Variants in BTBD9 observed in about 807,000 individuals in gnomAD.
The protein encoded by BTBD9 is BTB domain containing 9, also known as BTB/POZ domain-containing protein 9.
In BTBD9, 49 loss-of-function variants were observed where a neutral mutation model predicts 64.3. The ratio of observed to expected loss-of-function variants is 0.76; its 90% CI spans 0.61 to 0.97. BTBD9 has a LOEUF of 0.97. BTBD9 is among the 50% of genes least tolerant of loss of function. The pLI, the probability that BTBD9 is intolerant of heterozygous loss-of-function variation, is 0.00. For synonymous variants in BTBD9, 260 were observed against 274.7 expected (o/e 0.95, Z 0.53); for missense variants, 598 against 762.1 (o/e 0.78, Z 2.53).
intron 9 of BTBD9, among the ~76,000 whole-genome samples, chr6:38,228,369 A>G (rs62397010): frequency 4.8e-5 from 7 of 147,276 alleles, no homozygotes; most frequent in Middle Eastern, 3.6e-3. Context: ...AAAAAAAAAA[A>G]AGAGAGAGAG....
intron 6 of BTBD9, among the ~76,000 whole-genome samples, chr6:38,430,935 G>T (rs550306691): frequency 6.6e-6 from 1 of 152,082 alleles, no homozygotes; most frequent in South Asian, 2.1e-4. Flanking sequence ...TGATGTGGTT[G>T]ACTTCTGTCT....
chr6:38,520,435 T>C (rs1189102927), intron 6 of BTBD9, among the ~76,000 whole-genome samples: 3 of 152,178 alleles, frequency 2.0e-5, no homozygotes, highest in African/African-American at 7.2e-5. Context: ...CACTCCATCC[T>C]GGGAGACAGA....
At chr6:38,564,922 A>G (rs1214752806) in intron 6 of BTBD9, among the ~76,000 whole-genome samples, 1 of 152,056 alleles carries the variant, frequency 6.6e-6, no homozygotes. Context: ...AATAAAAAAG[A>G]TCTCACTATA....
intron 9 of BTBD9, among the ~76,000 whole-genome samples, chr6:38,252,966 T>A (rs1008151608): frequency 1.3e-5 from 2 of 151,898 alleles, no homozygotes; most frequent in Admixed American, 6.6e-5. Flanking sequence ...ATACAAAAAT[T>A]AGCTTGGCGC....
chr6:38,586,716 T>C (rs1776547186), intron 4 of BTBD9, among the ~76,000 whole-genome samples: 1 of 152,178 alleles, frequency 6.6e-6, no homozygotes, highest in African/African-American at 2.4e-5. Context: ...ATCCTTTTTT[T>C]CCCCTAACAG....
At chr6:38,398,372 A>ATC (rs1374352925) in intron 6 of BTBD9, among the ~76,000 whole-genome samples, 3 of 152,290 alleles carry the variant, frequency 2.0e-5, no homozygotes, top group Admixed American at 6.5e-5. Context: ...TCACACTCAG[A>ATC]TAACTGTGTG....
At chr6:38,522,015 C>T (rs1229659062) in intron 6 of BTBD9, among the ~76,000 whole-genome samples, 2 of 152,096 alleles carry the variant, frequency 1.3e-5, no homozygotes, top group Non-Finnish European at 2.9e-5. Context: ...TACACCTAGC[C>T]TATTCCCTCT....
chr6:38,500,040 T>C (rs1205476982), intron 6 of BTBD9, among the ~76,000 whole-genome samples: 1 of 152,222 alleles, frequency 6.6e-6, no homozygotes, highest in African/African-American at 2.4e-5. Flanking sequence ...TAATCATTAC[T>C]ACTTGTCTGC....
intron 7 of BTBD9, among the ~76,000 whole-genome samples, chr6:38,288,823 A>G (rs1455423192): frequency 6.6e-6 from 1 of 151,952 alleles, no homozygotes; most frequent in Non-Finnish European, 1.5e-5. Flanking sequence ...GCTACTCGGG[A>G]GGCCGAGGCA....
intron 6 of BTBD9, among the ~76,000 whole-genome samples, chr6:38,484,249 T>C (rs1771297216): frequency 6.6e-6 from 1 of 152,170 alleles, no homozygotes; most frequent in Admixed American, 6.5e-5. Flanking sequence ...ACTAAGGAAG[T>C]GTTATATTTT....
chr6:38,329,319 T>C (rs1363980389), intron 7 of BTBD9, among the ~76,000 whole-genome samples: 1 of 149,812 alleles, frequency 6.7e-6, no homozygotes, highest in African/African-American at 2.5e-5. Flanking sequence ...AAGACCTTTT[T>C]TTCCTTTTTT....
At position 38,629,681 on chromosome 6, in the gene BTBD9, G is replaced by A. The variant is rs531852649; in HGVS notation, c.-28+10119C>T. Among the ~76,000 whole-genome samples, 4 of 152,094 alleles carry A rather than the reference G, an allele frequency of 2.6e-5. No individual in the cohort carries two copies. The East Asian group carries it at 7.8e-4, about 30-fold the overall frequency. Reference sequence around the variant, plus strand: ...TACTAAAAATACAAAAATTAGCTGGGTGTGATGGCATGTGCCTGTAATCCC... The same window carrying A: ...TACTAAAAATACAAAAATTAGCTGGATGTGATGGCATGTGCCTGTAATCCC... On this transcript the variant is annotated intron_variant, in intron 1 of 10. Coordinates refer to ENST00000481247, the MANE Select transcript of BTBD9 (RefSeq NM_001099272.2).
intron 7 of BTBD9, among the ~76,000 whole-genome samples, chr6:38,332,303 TA>T (rs1763707150): frequency 6.6e-6 from 1 of 152,254 alleles, no homozygotes; most frequent in African/African-American, 2.4e-5. Flanking sequence ...AGTCACATTG[TA>T]AAATCTACCT....
intron 6 of BTBD9, among the ~76,000 whole-genome samples, chr6:38,414,198 C>A (rs554103944): frequency 6.6e-6 from 1 of 152,266 alleles, no homozygotes; most frequent in African/African-American, 2.4e-5. Context: ...CTATTCAGTA[C>A]CTTGTGCTTG....
chr6:38,449,052 G>C (rs996256461), intron 6 of BTBD9, among the ~76,000 whole-genome samples: 4 of 152,094 alleles, frequency 2.6e-5, no homozygotes, highest in African/African-American at 9.7e-5. Flanking sequence ...CAAGTGTTTA[G>C]GACAAAGAAA....
At chr6:38,288,628 G>A (rs1761839843) in intron 7 of BTBD9, among the ~76,000 whole-genome samples, 167 bp from the exon 8 acceptor site, 1 of 152,168 alleles carries the variant, frequency 6.6e-6, no homozygotes, top group African/African-American at 2.4e-5. Context: ...ATGCCAAATA[G>A]CTTTTTAAAA....
intron 9 of BTBD9, among the ~76,000 whole-genome samples, chr6:38,194,809 G>C (rs377663686): frequency 6.6e-6 from 1 of 152,096 alleles, no homozygotes; most frequent in Non-Finnish European, 1.5e-5. Context: ...GTCAGTCTGG[G>C]CTCTGGGCTC....
At chr6:38,199,255 C>G (rs1014006770) in intron 9 of BTBD9, among the ~76,000 whole-genome samples, 5 of 152,146 alleles carry the variant, frequency 3.3e-5, no homozygotes, top group African/African-American at 9.7e-5. Context: ...GAGACCCCCC[C>G]AGTTCCCTTC....
At chr6:38,260,236 C>T (rs143877476) in intron 8 of BTBD9, among the ~76,000 whole-genome samples, 158 of 152,284 alleles carry the variant, frequency 1.0e-3, no homozygotes, top group African/African-American at 3.6e-3. Context: ...AACTCTGACA[C>T]AGTAGAGTAA....
Sources: gnomAD v4.1 joint callset for allele counts (sites outside exome capture counted in the v4.1 genomes callset) on GRCh38, gnomAD v4.1.1 for gene constraint, MANE v1.5 for transcripts, NCBI Gene and HGNC (gene_info 2026-07-23, HGNC 2026-07-21) for gene names.